The following DIO2 variants were observed in gnomAD, a reference collection of about 807,000 sequenced individuals.
DIO2 encodes iodothyronine deiodinase 2, also known as type II iodothyronine deiodinase.
DIO2 carries 19 observed loss-of-function variants against 21.4 expected under a neutral mutation model. That is an observed-to-expected ratio of 0.89 (90% CI 0.62 to 1.30). The LOEUF is 1.30. DIO2 is among the 50% of genes most tolerant of loss of function. DIO2 has a pLI of 0.00. For synonymous variants in DIO2, 122 were observed against 132.9 expected, an observed-to-expected ratio of 0.92 and a Z score of 0.57; for missense variants, 302 against 338.1, an observed-to-expected ratio of 0.89 and a Z score of 0.84.
rs1435030713 is a variant in DIO2 at position 80,202,419 on chromosome 14, A to C, written c.*270T>G. The C allele has an allele frequency of 1.5e-6, 1 of 684,912 alleles. No individual in the cohort carries two copies. Among genetic ancestry groups the C allele is most frequent in the Admixed American group, 1.8e-5 (1 of 56,588 alleles). The allele number at this position is 684,912 out of a possible 1,614,324, so 42.4% of individuals were successfully genotyped here. A position where few individuals can be genotyped will look rare whatever the true frequency, so the allele number is the denominator to read the frequency against. On this transcript the variant is annotated 3_prime_UTR_variant, in exon 2 of 2. Transcript: ENST00000438257. ...TTCCTTCTCAATGCAGAATGAACAC[A>C]TGCTGAATTAGCGTTTCTTCCTCTC...
At chr14:80,229,788 C>T (rs182396398) in intron 2 of DIO2, among the ~76,000 whole-genome samples, 2 of 152,298 alleles carry the variant, frequency 1.3e-5, no homozygotes, top group African/African-American at 4.8e-5. Flanking sequence ...TAAATTGAGC[C>T]TGATCCAACT....
rs1443241505 is a variant in DIO2 at position 80,201,559 on chromosome 14, C to T, written c.*1130G>A. 5 of 152,154 alleles carry T rather than the reference C, an allele frequency of 3.3e-5. No individual in the cohort carries two copies. The East Asian group carries it at 5.8e-4, about 18-fold the overall frequency. 9.4% of individuals were successfully genotyped at this position (152,154 alleles called of 1,614,324 possible). A position where few individuals can be genotyped will look rare whatever the true frequency, so the allele number is the denominator to read the frequency against. On this transcript the variant is annotated 3_prime_UTR_variant, in exon 2 of 2. Transcript: ENST00000438257. The stretch of plus-strand genomic sequence containing the variant: ...AGCTCAGCATTCAGAGAGAACACTG[C>T]TATAGAGACCAAGATTAGGAATGAC...
In DIO2 at chr14:80,211,371, G is replaced by C. The variant is rs1425445795; in HGVS notation, c.102C>G (p.Leu34=). The C allele has an allele frequency of 1.2e-6, 2 of 1,613,634 alleles. No homozygotes were observed. Among genetic ancestry groups the C allele is most frequent in the African/African-American group, 2.7e-5 (2 of 74,862 alleles). Residue 34 remains leucine, a synonymous_variant, in exon 1 of 2, where the codon CTC becomes CTG. Coordinates refer to ENST00000438257, the MANE Select transcript of DIO2 (RefSeq NM_013989.5). ...GGCTCAACAGCAGCACCACGTGCTT[G>C]AGCAGAATGACCGAGTCATAGAGAG... ...FLALYDSVIL[L]KHVVLLLSRS...
At chr14:80,213,650 A>C (rs1461491598), upstream of DIO2, among the ~76,000 whole-genome samples, 1 of 152,162 alleles carries the variant, frequency 6.6e-6, no homozygotes, top group Non-Finnish European at 1.5e-5. Context: ...CAGTTGGCTC[A>C]TTGAGGACGT....
Position 80,203,293 on chromosome 14 carries a change from C to CG in DIO2, c.223-6dup, listed in dbSNP as rs768885744. ...GGCATCCTCACCCAATTTCACCTGA[C>CG]GGTAAAAAAAAAAAAAAAGAAGAAG... is the stretch of plus-strand genomic sequence containing the variant. On this transcript the variant is annotated splice_polypyrimidine_tract_variant and splice_region_variant and intron_variant, in intron 1 of 1. Coordinates refer to ENST00000438257, the MANE Select transcript of DIO2 (RefSeq NM_013989.5). The CG allele has an allele frequency of 7.3e-7, 1 of 1,377,554 alleles. No individual in the cohort carries two copies. The highest frequency in any genetic ancestry group is 9.3e-7 in the Non-Finnish European group (1 of 1,072,698). 85.3% of individuals were successfully genotyped at this position (1,377,554 alleles called of 1,614,324 possible).
intron 2 of DIO2, among the ~76,000 whole-genome samples, chr14:80,220,443 A>C (rs1888444061): frequency 1.3e-5 from 2 of 152,334 alleles, no homozygotes; most frequent in African/African-American, 2.4e-5. Flanking sequence ...GAAGATAGCA[A>C]CAACCAATTA....
chr14:80,225,373 C>T (rs746030112), intron 2 of DIO2, among the ~76,000 whole-genome samples: 1 of 152,140 alleles, frequency 6.6e-6, no homozygotes, highest in Non-Finnish European at 1.5e-5. Flanking sequence ...CAACCAGACA[C>T]ACACCAATCC....
Position 80,209,781 on chromosome 14 carries a change from T to C in DIO2, c.222+1470A>G, listed in dbSNP as rs531195605. Among the ~76,000 whole-genome samples, 5 of 152,338 alleles carry C rather than the reference T, an allele frequency of 3.3e-5. No homozygotes were observed. The South Asian group carries it at 1.0e-3, about 32-fold the overall frequency. On this transcript the variant is annotated intron_variant, in intron 1 of 1. Coordinates refer to ENST00000438257, the MANE Select transcript of DIO2 (RefSeq NM_013989.5). The stretch of plus-strand genomic sequence containing the variant: ...TAACAACAATAAACACAAACCCTCT[T>C]TGGGTTACTATCAATAATAAAGACG...
chr14:80,207,645 A>G (rs1035373404), intron 1 of DIO2, among the ~76,000 whole-genome samples: 7 of 152,234 alleles, frequency 4.6e-5, no homozygotes, highest in Non-Finnish European at 1.0e-4. Flanking sequence ...CCTTAGAAAC[A>G]TGGCCAAACT....
chr14:80,205,688 C>T (rs750718171), intron 1 of DIO2: 32 of 1,330,868 alleles, frequency 2.4e-5, no homozygotes, highest in Non-Finnish European at 3.0e-5. Flanking sequence ...TTCCAAAACA[C>T]AGACTAATTT....
intron 1 of DIO2, chr14:80,206,107 C>T: frequency 1.5e-6 from 1 of 684,984 alleles, no homozygotes. Context: ...GAGCCAGGGT[C>T]CCTTACTGAA....
chr14:80,229,587 A>G (rs549675911), intron 2 of DIO2, among the ~76,000 whole-genome samples: 4 of 152,222 alleles, frequency 2.6e-5, no homozygotes, highest in Non-Finnish European at 5.9e-5. Flanking sequence ...CACCATCCCA[A>G]TCTCCCTAAG....
intron 2 of DIO2, among the ~76,000 whole-genome samples, chr14:80,227,829 A>C (rs1009881370): frequency 6.6e-6 from 1 of 152,194 alleles, no homozygotes; most frequent in Non-Finnish European, 1.5e-5. Context: ...TAGCCCACCC[A>C]AATGAGGAAT....
intron 2 of DIO2, among the ~76,000 whole-genome samples, chr14:80,223,362 A>G (rs925005514): frequency 7.9e-5 from 12 of 152,202 alleles, no homozygotes; most frequent in Non-Finnish European, 1.5e-4. Flanking sequence ...TAAAATGACT[A>G]CACTTAAAAT....
In DIO2 at chr14:80,211,380, G is replaced by A; in HGVS notation, c.93C>T (p.Val31=). Residue 31 remains valine (V), a synonymous_variant, in exon 1 of 2, where the codon GTC becomes GTT. Transcript: ENST00000438257. ...NCLFLALYDS[V]ILLKHVVLLL... is the part of the protein sequence containing the mutation. ...GCAGCACCACGTGCTTGAGCAGAATGACCGAGTCATAGAGAGCCAGGAAGA... is the reference window on the plus strand; with the variant it reads ...GCAGCACCACGTGCTTGAGCAGAATAACCGAGTCATAGAGAGCCAGGAAGA... 1 of 1,613,746 alleles carries A rather than the reference G, an allele frequency of 6.2e-7. No individual in the cohort carries two copies. Among genetic ancestry groups the A allele is most frequent in the African/African-American group, 1.3e-5 (1 of 74,976 alleles).
At chr14:80,205,504 G>T in intron 1 of DIO2, 1 of 871,096 alleles carries the variant, frequency 1.1e-6, no homozygotes, top group Non-Finnish European at 1.5e-6. Flanking sequence ...CTAACCCCCT[G>T]ATTCATCCGA....
At chr14:80,222,848 A>G (rs1888492542) in intron 2 of DIO2, among the ~76,000 whole-genome samples, 1 of 147,664 alleles carries the variant, frequency 6.8e-6, no homozygotes, top group Non-Finnish European at 1.5e-5. Flanking sequence ...TGGAAGTATT[A>G]TTTCTTTGTT....
chr14:80,211,533 A>C, upstream of DIO2: 2 of 700,650 alleles, frequency 2.9e-6, no homozygotes, highest in Non-Finnish European at 3.9e-6. Flanking sequence ...CCTCTTATTT[A>C]AAAGGGGGGT....
intron 1 of DIO2, chr14:80,206,276 A>G: frequency 6.3e-7 from 1 of 1,584,284 alleles, no homozygotes; most frequent in Non-Finnish European, 8.6e-7. Context: ...TGCTTTTATA[A>G]GCTTCATATA....
Sources: allele counts gnomAD v4.1 joint callset (sites outside exome capture counted in the v4.1 genomes callset), GRCh38; gene constraint gnomAD v4.1.1; transcripts MANE v1.5; gene names NCBI Gene and HGNC (gene_info 2026-07-23, HGNC 2026-07-21).